Variants in LRBA observed in about 807,000 individuals in gnomAD.
The protein encoded by LRBA is LPS responsive beige-like anchor protein, also known as lipopolysaccharide-responsive and beige-like anchor protein.
A neutral mutation model predicts 330.0 loss-of-function variants in LRBA; 176 were observed. The observed-to-expected ratio is 0.53, with a 90% CI of 0.47 to 0.60. LRBA has a LOEUF of 0.60. Among genes scored for constraint, LRBA ranks in the 20% least tolerant of loss-of-function variants. LRBA has a pLI of 0.00. For synonymous variants in LRBA, 1,230 were observed against 1,193.0 expected, an observed-to-expected ratio of 1.03 and a Z score of -0.64; for missense variants, 3,259 against 3,444.8, an observed-to-expected ratio of 0.95 and a Z score of 1.35.
intron 37 of LRBA, among the ~76,000 whole-genome samples, chr4:150,648,922 A>G (rs1779454830): frequency 6.6e-6 from 1 of 151,974 alleles, no homozygotes; most frequent in Non-Finnish European, 1.5e-5. Flanking sequence ...GTAATCACTC[A>G]CTCATTCCCT....
chr4:150,326,023 T>C (rs1322086612), intron 48 of LRBA, 125 bp from the exon 49 acceptor site: 3 of 671,026 alleles, frequency 4.5e-6, no homozygotes, highest in African/African-American at 3.6e-5. Flanking sequence ...CAACCTGTGT[T>C]TTCACAGTGG....
intron 48 of LRBA, among the ~76,000 whole-genome samples, chr4:150,326,895 A>G (rs1299675595): frequency 6.6e-6 from 1 of 152,180 alleles, no homozygotes; most frequent in African/African-American, 2.4e-5. Flanking sequence ...AATAAGAATA[A>G]AAATTGGAGC....
intron 29 of LRBA, among the ~76,000 whole-genome samples, chr4:150,828,920 GGGGTGTGTGTGTGT>G (rs1441935116): frequency 1.2e-3 from 65 of 53,318 alleles, no homozygotes; most frequent in East Asian, 4.2e-3. Flanking sequence ...ATCTTTTTTG[GGGGTGTGTGTGTGT>G]GTGTGTGTGT....
At chr4:150,904,626 G>C (rs1395788089) in intron 13 of LRBA, among the ~76,000 whole-genome samples, 1 of 151,254 alleles carries the variant, frequency 6.6e-6, no homozygotes, top group Non-Finnish European at 1.5e-5. Context: ...TGATTAGTAA[G>C]ACAAAAAAGT....
chr4:150,981,179 C>T (rs1261680592), intron 2 of LRBA, among the ~76,000 whole-genome samples: 4 of 151,448 alleles, frequency 2.6e-5, no homozygotes, highest in Non-Finnish European at 4.4e-5. Flanking sequence ...TTTGGGAGGC[C>T]GCGGTGGGCA....
intron 37 of LRBA, among the ~76,000 whole-genome samples, chr4:150,661,768 A>T (rs1781132127): frequency 1.3e-5 from 2 of 151,572 alleles, no homozygotes; most frequent in African/African-American, 4.8e-5. Flanking sequence ...CCACCATCAC[A>T]CCTAGTTAAT....
At chr4:150,761,746 A>G in intron 35 of LRBA, 37 bp downstream of exon 35, 1 of 1,364,518 alleles carries the variant, frequency 7.3e-7, no homozygotes, top group South Asian at 1.3e-5. Flanking sequence ...AAGATTTTAA[A>G]GAAAAATACA....
intron 2 of LRBA, among the ~76,000 whole-genome samples, chr4:150,943,029 C>G (rs1405187250): frequency 6.6e-6 from 1 of 152,114 alleles, no homozygotes; most frequent in South Asian, 2.1e-4. Flanking sequence ...TAGTCGAAAT[C>G]TCCTCTCATT....
chr4:150,529,750 C>A (rs10013352), intron 40 of LRBA, among the ~76,000 whole-genome samples: 2 of 150,906 alleles, frequency 1.3e-5, no homozygotes, highest in African/African-American at 4.9e-5. Context: ...AAAATAATAA[C>A]CAGCTTAAGA....
At chr4:150,913,641 A>T (rs1732259860) in intron 9 of LRBA, among the ~76,000 whole-genome samples, 1 of 152,190 alleles carries the variant, frequency 6.6e-6, no homozygotes. Context: ...GAAGTGTCCT[A>T]CTATAATGGT....
chr4:150,302,782 G>A lies in LRBA; in HGVS notation c.7860C>T (p.Ile2620=), dbSNP rs1177073271. 6.3e-7 allele frequency: 1 copy of A among 1,590,486 alleles called. No homozygotes were observed. The change falls in exon 53 of 57, where the codon ATC becomes ATT. Residue 2620 remains isoleucine (I), a synonymous_variant. Coordinates refer to ENST00000651943, the MANE Select transcript of LRBA (RefSeq NM_001364905.1). Reference sequence around the variant, plus strand: ...CATCCCAATGGCCAAACACCACTTGGATCAATCTTCCTGTAATGCAAAACA... The same window carrying A: ...CATCCCAATGGCCAAACACCACTTGAATCAATCTTCCTGTAATGCAAAACA... The part of the protein sequence containing the change: ...RVYSTDTGRL[I]QVVFGHWDVV...
chr4:150,624,041 G>C (rs980849277), intron 37 of LRBA, among the ~76,000 whole-genome samples: 3 of 152,006 alleles, frequency 2.0e-5, no homozygotes, highest in Non-Finnish European at 4.4e-5. Flanking sequence ...TATATGAACA[G>C]ATTACATTAT....
chr4:150,638,325 C>A (rs1447541744), intron 37 of LRBA, among the ~76,000 whole-genome samples: 2 of 152,166 alleles, frequency 1.3e-5, no homozygotes, highest in East Asian at 3.8e-4. Context: ...CCACGCCCGG[C>A]CAACTTCTTT....
chr4:150,328,770 T>C (rs1733621980), intron 48 of LRBA, among the ~76,000 whole-genome samples: 1 of 151,966 alleles, frequency 6.6e-6, no homozygotes, highest in Non-Finnish European at 1.5e-5. Context: ...AAAAGCAGCA[T>C]AGAGTGATAT....
chr4:150,517,831 C>T (rs969855513), intron 40 of LRBA, among the ~76,000 whole-genome samples: 1 of 152,188 alleles, frequency 6.6e-6, no homozygotes, highest in African/African-American at 2.4e-5. Context: ...ACACCACAGA[C>T]AGTACCAAAC....
rs917617036 is a variant in LRBA, at chr4:150,497,746, G to A, written c.6331-6711C>T. ...GGACTAAAATGGCTTTAGCCTGGGT[G>A]TGGACGATGGGGCAGTTGGGAGGGG... is the stretch of plus-strand genomic sequence containing the variant. On this transcript the variant is annotated intron_variant, in intron 40 of 56. Coordinates refer to ENST00000651943, the MANE Select transcript of LRBA (RefSeq NM_001364905.1). Among the ~76,000 whole-genome samples the A allele has an allele frequency of 3.3e-5, 5 of 152,212 alleles. 1 individual carries two copies. The highest frequency in any genetic ancestry group is 4.1e-4 in the South Asian group (2 of 4,832).
chr4:150,970,822 G>A (rs2149585992), intron 2 of LRBA: 1 of 151,656 alleles, frequency 6.6e-6, no homozygotes, highest in Middle Eastern at 3.4e-3. Flanking sequence ...GTTTCCATCA[G>A]ACTGTAAGCT....
intron 40 of LRBA, among the ~76,000 whole-genome samples, chr4:150,535,999 C>T (rs1022012018): frequency 3.3e-5 from 5 of 152,146 alleles, no homozygotes; most frequent in African/African-American, 9.7e-5. Flanking sequence ...CAAGCCTTTA[C>T]ATTTAACTTC....
At chr4:150,836,710 G>A (rs1748150797) in intron 28 of LRBA, among the ~76,000 whole-genome samples, 1 of 151,976 alleles carries the variant, frequency 6.6e-6, no homozygotes, top group South Asian at 2.1e-4. Context: ...TCTTGCTAGT[G>A]GCCTATCAAT....
Sources: gnomAD v4.1 joint callset for allele counts (sites outside exome capture counted in the v4.1 genomes callset) on GRCh38, gnomAD v4.1.1 for gene constraint, MANE v1.5 for transcripts, NCBI Gene and HGNC (gene_info 2026-07-23, HGNC 2026-07-21) for gene names.